DHX29: variants seen among roughly 807,000 people sequenced by gnomAD.
The protein encoded by DHX29 is DExH-box helicase 29, also known as ATP-dependent RNA helicase DHX29.
DHX29 carries 79 observed loss-of-function variants against 167.9 expected under a neutral mutation model. That is an observed-to-expected ratio of 0.47 (90% CI 0.39 to 0.57). DHX29 has a LOEUF of 0.57. DHX29 is among the 20% of genes least tolerant of loss of function. The pLI is 0.00. For synonymous variants in DHX29, 530 were observed against 546.0 expected (o/e 0.97, Z 0.41); for missense variants, 1,347 against 1,593.4 (o/e 0.85, Z 2.63).
At chr5:55,280,586 G>A (rs1423528132) in intron 12 of DHX29, among the ~76,000 whole-genome samples, 3 of 152,074 alleles carry the variant, frequency 2.0e-5, no homozygotes, top group Non-Finnish European at 2.9e-5. Flanking sequence ...GAGCCCATGG[G>A]CCAGATAAAA....
At position 55,284,218 on chromosome 5, in the gene DHX29, T is replaced by C. The variant is rs536831162; in HGVS notation, c.1357-407A>G. Among the ~76,000 whole-genome samples the C allele has an allele frequency of 3.9e-5, 6 of 152,362 alleles. No homozygotes were observed. The East Asian group carries it at 1.2e-3, about 29-fold the overall frequency. On this transcript the variant is annotated intron_variant, in intron 10 of 26. Coordinates refer to ENST00000251636, the MANE Select transcript of DHX29 (RefSeq NM_019030.4). ...TCTGAGGTTAAGATATGTGAGGTGCTTATTCTCGGAATATGTTGAACTACT... is the reference window on the plus strand; with the variant it reads ...TCTGAGGTTAAGATATGTGAGGTGCCTATTCTCGGAATATGTTGAACTACT...
chr5:55,300,299 G>T (rs1474503742), intron 1 of DHX29, among the ~76,000 whole-genome samples: 1 of 152,048 alleles, frequency 6.6e-6, no homozygotes, highest in East Asian at 1.9e-4. Flanking sequence ...GGAGTTCAAG[G>T]CTGCAGTAGT....
intron 15 of DHX29, 38 bp downstream of exon 15, chr5:55,274,828 T>A (rs1260052813): frequency 2.5e-6 from 4 of 1,587,730 alleles, no homozygotes; most frequent in Non-Finnish European, 3.4e-6. Flanking sequence ...AAATGTTTTA[T>A]CAAATCAAAT....
chr5:55,263,016 C>T (rs1746384744), intron 23 of DHX29, 84 bp from the exon 24 acceptor site: 14 of 1,042,270 alleles, frequency 1.3e-5, no homozygotes, highest in Middle Eastern at 2.3e-4. Flanking sequence ...ATTACTGCTT[C>T]CTATAAAAAT....
Position 55,285,761 on chromosome 5 carries a change from C to G in DHX29, c.1167G>C (p.Lys389Asn). Residue 389 changes from lysine (K) to asparagine (N), a missense_variant, in exon 9 of 27, where the codon AAG becomes AAC. By Grantham distance (94) the Lys-to-Asn change is moderately conservative. This residue lies in a region of DHX29 where 60 missense variants were observed against 94.2 expected (regional missense o/e 0.64). Coordinates refer to ENST00000251636, the MANE Select transcript of DHX29 (RefSeq NM_019030.4). The part of the protein sequence containing the change: ...PKQFLIDWVR[K>N]NLPKSPNPSF... ...AAGGATTTGGACTCTTGGGAAGATT[C>G]TTCCTGACCCAATCAATCAGAAATT... is the stretch of plus-strand genomic sequence containing the variant. 6.2e-7 allele frequency: 1 copy of G among 1,604,988 alleles called. No individual in the cohort carries two copies. The highest frequency in any genetic ancestry group is 1.1e-5 in the South Asian group (1 of 89,886).
rs35986300 is a variant in DHX29, at chr5:55,299,036, CAAAA to C, written c.188-376_188-373del. On this transcript the variant is annotated intron_variant, in intron 1 of 26. Transcript: ENST00000251636. ...TGGGCGACAGAGCGAGACTCCGTCT[CAAAA>C]AAAAAAAAAAAAAAAAAAAGAATGC... Among the ~76,000 whole-genome samples the C allele has an allele frequency of 2.3e-3, 176 of 76,158 alleles. 2 individuals are homozygous for C. In the Middle Eastern group the frequency reaches 0.045, roughly 19 times the overall value. The allele number at this position is 76,158 out of a possible 152,430, so 50.0% of individuals were successfully genotyped here.
chr5:55,295,302 A>G lies in DHX29; in HGVS notation c.651+77T>C, dbSNP rs141848883. 6.6e-4 allele frequency: 737 copies of G among 1,109,782 alleles called. 2 individuals are homozygous for G. In the African/African-American group the frequency reaches 0.01, roughly 16 times the overall value. The allele number at this position is 1,109,782 out of a possible 1,614,324, so 68.7% of individuals were successfully genotyped here. A position where few individuals can be genotyped will look rare whatever the true frequency, so the allele number is the denominator to read the frequency against. ...GAAGTAAAAATGTTATAGAAACCTA[A>G]TATTTATACTCTTTGAACTGTTACA... is the stretch of plus-strand genomic sequence containing the variant. On this transcript the variant is annotated intron_variant, in intron 5 of 26. Coordinates refer to ENST00000251636, the MANE Select transcript of DHX29 (RefSeq NM_019030.4).
chr5:55,274,609 G>T lies in DHX29; in HGVS notation c.2690+5C>A. 6.4e-7 allele frequency: 1 copy of T among 1,556,394 alleles called. No individual in the cohort carries two copies. The highest frequency in any genetic ancestry group is 8.7e-7 in the Non-Finnish European group (1 of 1,146,038). On this transcript the variant is annotated splice_donor_5th_base_variant and intron_variant, in intron 16 of 26. Transcript: ENST00000251636. ...ACCAGGAATATAATGAAGATGAGTA[G>T]TTACCGTTCAGAATAAAATCTTCTA...
intron 7 of DHX29, among the ~76,000 whole-genome samples, 189 bp from the exon 8 acceptor site, chr5:55,289,617 A>C (rs1747934134): frequency 6.6e-6 from 1 of 152,116 alleles, no homozygotes; most frequent in South Asian, 2.1e-4. Context: ...TCCTGTTAGG[A>C]ATCTGTGCAG....
In DHX29 at chr5:55,290,267, G is replaced by GT; in HGVS notation, c.857dup (p.Asn286LysfsTer29). 4.3e-6 allele frequency: 7 copies of GT among 1,610,542 alleles called. No individual in the cohort carries two copies. Among genetic ancestry groups the GT allele is most frequent in the Non-Finnish European group, 5.9e-6 (7 of 1,179,140 alleles). On this transcript the variant is annotated frameshift_variant, in exon 7 of 27. Transcript: ENST00000251636. LOFTEE classifies it high-confidence loss of function. ...CCTGAGCCTCTTTTTGGCCTTGCTTGTTTTTTTCTAGTTTAAAGGTAGCTG... is the reference window on the plus strand; with the variant it reads ...CCTGAGCCTCTTTTTGGCCTTGCTTGTTTTTTTTCTAGTTTAAAGGTAGCTG...
chr5:55,299,680 C>T (rs1748505136), intron 1 of DHX29, among the ~76,000 whole-genome samples: 1 of 152,110 alleles, frequency 6.6e-6, no homozygotes, highest in East Asian at 1.9e-4. Flanking sequence ...GTCCAAATGT[C>T]CCTCTCCTTT....
At chr5:55,262,583 T>C (rs1313324899) in intron 24 of DHX29, 47 bp downstream of exon 24, 2 of 1,581,600 alleles carry the variant, frequency 1.3e-6, no homozygotes, top group Non-Finnish European at 1.7e-6. Flanking sequence ...ATGAATGACT[T>C]GCAGAATAAT....
intron 23 of DHX29, among the ~76,000 whole-genome samples, chr5:55,266,365 A>G (rs924140456): frequency 1.4e-5 from 2 of 145,860 alleles, no homozygotes; most frequent in South Asian, 2.2e-4. Context: ...GCTGGAGTAC[A>G]ATGGCGTGAT....
intron 8 of DHX29, among the ~76,000 whole-genome samples, chr5:55,287,713 C>T (rs992434353): frequency 6.6e-6 from 1 of 151,888 alleles, no homozygotes; most frequent in African/African-American, 2.4e-5. Context: ...CTTTGGGAGG[C>T]CAAGGAGGGC....
intron 6 of DHX29, among the ~76,000 whole-genome samples, chr5:55,291,709 C>A (rs1748054909): frequency 6.6e-6 from 1 of 152,202 alleles, no homozygotes; most frequent in South Asian, 2.1e-4. Flanking sequence ...CCCTGGCAAC[C>A]ACCATTCTAC....
At chr5:55,281,037 CACACACACACATGCTATATGTATAT>C (rs1747375741) in intron 12 of DHX29, among the ~76,000 whole-genome samples, 1 of 150,110 alleles carries the variant, frequency 6.7e-6, no homozygotes, top group Admixed American at 6.6e-5. Context: ...TATGTATACA[CACACACACACATGCTATATGTATAT>C]ACACACACAC....
At chr5:55,261,312 A>G (rs2111782103) in intron 25 of DHX29, 56 bp downstream of exon 25, 3 of 896,396 alleles carry the variant, frequency 3.3e-6, no homozygotes, top group Non-Finnish European at 5.1e-6. Context: ...ATGTACCTCA[A>G]TGGTACTGGA....
At chr5:55,302,585 A>G (rs1748657873) in intron 1 of DHX29, among the ~76,000 whole-genome samples, 1 of 134,240 alleles carries the variant, frequency 7.4e-6, no homozygotes, top group African/African-American at 2.9e-5. Context: ...CGACAGAGTG[A>G]CCCTATCAAA....
At chr5:55,270,190 T>C (rs938873819) in intron 20 of DHX29, among the ~76,000 whole-genome samples, 4 of 152,082 alleles carry the variant, frequency 2.6e-5, no homozygotes, top group Admixed American at 2.6e-4. Context: ...TGAGAACTAC[T>C]AGTCTAGATT....
Sources: allele counts gnomAD v4.1 joint callset (sites outside exome capture counted in the v4.1 genomes callset), GRCh38; gene constraint gnomAD v4.1.1; regional missense constraint gnomAD v4.1.1; transcripts MANE v1.5; gene names NCBI Gene and HGNC (gene_info 2026-07-23, HGNC 2026-07-21).